The following NALF1 variants were observed in gnomAD, a reference collection of about 807,000 sequenced individuals.
The protein encoded by NALF1 is NALCN channel auxiliary factor 1.
Under a neutral mutation model 48.4 loss-of-function variants are expected in NALF1, and 3 were observed. The ratio of observed to expected loss-of-function variants is 0.06; its 90% CI spans 0.03 to 0.16. The LOEUF is 0.16. Among genes scored for constraint, NALF1 ranks in the 10% least tolerant of loss-of-function variants. NALF1 has a pLI of 1.00. For synonymous variants in NALF1, 262 were observed against 245.7 expected, an observed-to-expected ratio of 1.07 and a Z score of -0.62; for missense variants, 526 against 571.5, an observed-to-expected ratio of 0.92 and a Z score of 0.81.
At position 107,866,088 on chromosome 13, in the gene NALF1, G is replaced by A. The variant is rs1319877554; in HGVS notation, c.509C>T (p.Thr170Ile). The part of the protein sequence containing the change: ...NSAKPVWRLE[T>I]CYPQGASSGQ... ...CGAGGACGCGCCCTGGGGGTAACAAGTCTCCAGGCGCCACACGGGCTTGGC... is the reference window on the plus strand; with the variant it reads ...CGAGGACGCGCCCTGGGGGTAACAAATCTCCAGGCGCCACACGGGCTTGGC... Residue 170 changes from threonine (T) to isoleucine (I), a missense_variant, in exon 1 of 3, where the codon ACT (threonine) becomes ATT (isoleucine). Physicochemically the swap from Thr to Ile is moderately conservative, Grantham distance 89. Coordinates refer to ENST00000375915, the MANE Select transcript of NALF1 (RefSeq NM_001080396.3). The surrounding 1 kb of genome is among the most constrained non-coding windows in gnomAD (Gnocchi z 4.4). 1.9e-6 allele frequency: 3 copies of A among 1,612,956 alleles called. No individual in the cohort carries two copies. The African/African-American group carries it at 4.0e-5, about 21-fold the overall frequency.
intron 1 of NALF1, among the ~76,000 whole-genome samples, chr13:107,776,831 C>T (rs1877747453): frequency 6.6e-6 from 1 of 152,182 alleles, no homozygotes; most frequent in South Asian, 2.1e-4. Flanking sequence ...TGGCTCATGC[C>T]TGCAATCCCA....
intron 1 of NALF1, among the ~76,000 whole-genome samples, chr13:107,847,348 T>G (rs1463718587): frequency 1.3e-5 from 2 of 152,208 alleles, no homozygotes; most frequent in East Asian, 3.8e-4. Flanking sequence ...TAAAAAATAA[T>G]GTAACGGATG....
At chr13:107,785,406 T>G (rs1878042129) in intron 1 of NALF1, among the ~76,000 whole-genome samples, 1 of 152,144 alleles carries the variant, frequency 6.6e-6, no homozygotes, top group East Asian at 1.9e-4. Context: ...TGCCTCGACC[T>G]GGATGAGATT....
At position 107,225,041 on chromosome 13, in the gene NALF1, T is replaced by C. The variant is rs149642777; in HGVS notation, c.916-14286A>G. On this transcript the variant is annotated intron_variant, in intron 1 of 2. Transcript: ENST00000375915. ...TTTGTTTTTTGAGATGGAGTCTCAC[T>C]CTTGTCACCCAGGCTGGAGTGCAGT... Among the ~76,000 whole-genome samples the C allele has an allele frequency of 3.9e-3, 600 of 152,298 alleles. 6 individuals carry two copies. The highest frequency in any genetic ancestry group is 0.014 in the African/African-American group (580 of 41,574).
intron 1 of NALF1, among the ~76,000 whole-genome samples, chr13:107,750,921 T>G (rs2138552554): frequency 6.6e-6 from 1 of 152,222 alleles, no homozygotes; most frequent in African/African-American, 2.4e-5. Flanking sequence ...CATAGAAAGC[T>G]TCACTTAAAG....
intron 1 of NALF1, among the ~76,000 whole-genome samples, chr13:107,606,729 A>G (rs981650356): frequency 8.5e-5 from 13 of 152,158 alleles, no homozygotes; most frequent in African/African-American, 3.1e-4. Flanking sequence ...AAAAAATTAC[A>G]CTGTAAACTT....
chr13:107,194,352 A>T (rs1364960070), intron 2 of NALF1, among the ~76,000 whole-genome samples: 1 of 152,238 alleles, frequency 6.6e-6, no homozygotes, highest in Non-Finnish European at 1.5e-5. Flanking sequence ...TTACCAAAAC[A>T]GCATGGTATG....
At chr13:107,354,946 G>A (rs1882936800) in intron 1 of NALF1, among the ~76,000 whole-genome samples, 3 of 152,194 alleles carry the variant, frequency 2.0e-5, no homozygotes, top group Admixed American at 2.0e-4. Flanking sequence ...CACCCTGGCT[G>A]AGATCCCCAA....
intron 1 of NALF1, among the ~76,000 whole-genome samples, chr13:107,693,813 T>G (rs942432542): frequency 3.9e-5 from 6 of 152,164 alleles, no homozygotes; most frequent in Non-Finnish European, 8.8e-5. Context: ...TGCTAAGACA[T>G]AACTCAGATT....
At chr13:107,736,238 T>G (rs1876467190) in intron 1 of NALF1, among the ~76,000 whole-genome samples, 1 of 151,134 alleles carries the variant, frequency 6.6e-6, no homozygotes. Flanking sequence ...CGCGTGTACC[T>G]AATAAGCTGT....
At chr13:107,294,926 T>A (rs573799980) in intron 1 of NALF1, among the ~76,000 whole-genome samples, 1 of 152,360 alleles carries the variant, frequency 6.6e-6, no homozygotes, top group South Asian at 2.1e-4. Context: ...GAAATGAGAC[T>A]TCTCTCTGAG....
intron 1 of NALF1, among the ~76,000 whole-genome samples, chr13:107,230,919 A>G (rs1880207406): frequency 6.6e-6 from 1 of 151,946 alleles, no homozygotes; most frequent in Non-Finnish European, 1.5e-5. Flanking sequence ...AATTAGCCAG[A>G]CATTGGGGTG....
chr13:107,406,994 G>T (rs1883910919), intron 1 of NALF1, among the ~76,000 whole-genome samples: 2 of 151,850 alleles, frequency 1.3e-5, no homozygotes, highest in East Asian at 1.9e-4. Flanking sequence ...TTTGACAAAG[G>T]TGTCAAGAAC....
chr13:107,232,801 T>G (rs1046970922), intron 1 of NALF1, among the ~76,000 whole-genome samples: 4 of 152,202 alleles, frequency 2.6e-5, no homozygotes, highest in Admixed American at 6.5e-5. Context: ...CTGCAATTTT[T>G]TTCGAGCACT....
At chr13:107,632,481 T>G (rs1389063309) in intron 1 of NALF1, among the ~76,000 whole-genome samples, 1 of 152,106 alleles carries the variant, frequency 6.6e-6, no homozygotes, top group Non-Finnish European at 1.5e-5. Context: ...ACCTCCCTAA[T>G]AACACTCCCA....
rs192882233 is a variant in NALF1 at position 107,653,744 on chromosome 13, G to A, written c.915+211938C>T. Among the ~76,000 whole-genome samples, 84 of 151,870 alleles carry A rather than the reference G, an allele frequency of 5.5e-4. 1 individual carries two copies. The Middle Eastern group carries it at 0.014, about 25-fold the overall frequency. ...AAACAACTCCAGAGCTATTTTTGAG[G>A]TCAAAATTACTTGACTCTCATAGGG... On this transcript the variant is annotated intron_variant, in intron 1 of 2. Transcript: ENST00000375915.
chr13:107,440,596 T>C (rs1594064288), intron 1 of NALF1, among the ~76,000 whole-genome samples: 1 of 152,172 alleles, frequency 6.6e-6, no homozygotes, highest in Non-Finnish European at 1.5e-5. Context: ...AGATCGATTG[T>C]TGAAGCCTAA....
At chr13:107,680,463 T>C (rs993202634) in intron 1 of NALF1, among the ~76,000 whole-genome samples, 1 of 151,932 alleles carries the variant, frequency 6.6e-6, no homozygotes, top group Non-Finnish European at 1.5e-5. Flanking sequence ...AGGGTGTGAG[T>C]GCATATGAAT....
At chr13:107,832,071 T>C (rs1418899212) in intron 1 of NALF1, among the ~76,000 whole-genome samples, 1 of 152,118 alleles carries the variant, frequency 6.6e-6, no homozygotes. Flanking sequence ...GTGATTATCT[T>C]TTAAACTATT....
Sources: allele counts gnomAD v4.1 joint callset (sites outside exome capture counted in the v4.1 genomes callset), GRCh38; gene constraint gnomAD v4.1.1; non-coding constraint Gnocchi (gnomAD v3.1); transcripts MANE v1.5; gene names NCBI Gene and HGNC (gene_info 2026-07-23, HGNC 2026-07-21).